The following OSBPL10 variants were observed in gnomAD, a reference collection of about 807,000 sequenced individuals.
OSBPL10 encodes the protein oxysterol-binding protein-related protein 10.
Under a neutral mutation model 81.7 loss-of-function variants are expected in OSBPL10, and 49 were observed. The ratio of observed to expected loss-of-function variants is 0.60; its 90% CI spans 0.48 to 0.76. OSBPL10 has a LOEUF of 0.76. Ranked by LOEUF, OSBPL10 falls within the 30% of genes least tolerant of loss-of-function variation. The pLI, the probability that OSBPL10 is intolerant of heterozygous loss-of-function variation, is 0.00. For synonymous variants in OSBPL10, 419 were observed against 383.6 expected, an observed-to-expected ratio of 1.09 and a Z score of -1.08; for missense variants, 923 against 987.8, an observed-to-expected ratio of 0.93 and a Z score of 0.88.
At chr3:32,040,768 T>A (rs955342399) in intron 2 of OSBPL10, among the ~76,000 whole-genome samples, 3 of 151,756 alleles carry the variant, frequency 2.0e-5, no homozygotes, top group Non-Finnish European at 4.4e-5. Context: ...GCCCAGGAGT[T>A]CAAGGCTGCA....
intron 4 of OSBPL10, among the ~76,000 whole-genome samples, chr3:31,825,770 C>T (rs1196968470): frequency 2.0e-5 from 3 of 152,134 alleles, no homozygotes; most frequent in African/African-American, 7.2e-5. Flanking sequence ...AATAGCAATA[C>T]TATGTTACTC....
Position 31,702,341 on chromosome 3 carries a change from G to A in OSBPL10, c.1245+18C>T. The A allele has an allele frequency of 2.5e-6, 4 of 1,612,606 alleles. No individual in the cohort carries two copies. Among genetic ancestry groups the A allele is most frequent in the African/African-American group, 1.3e-5 (1 of 75,010 alleles). On this transcript the variant is annotated intron_variant, in intron 7 of 11. Coordinates refer to ENST00000396556, the MANE Select transcript of OSBPL10 (RefSeq NM_017784.5). The stretch of plus-strand genomic sequence containing the variant: ...ACCCCAACAACTGACCACAAATCCA[G>A]GGGACATGCCAACCTACCTTGGTCA...
chr3:31,697,202 C>T (rs868009227), intron 7 of OSBPL10, among the ~76,000 whole-genome samples: 44 of 152,248 alleles, frequency 2.9e-4, no homozygotes, highest in African/African-American at 1.0e-3. Flanking sequence ...TTTAAGAAGT[C>T]GGGCGACCCA....
intron 4 of OSBPL10, among the ~76,000 whole-genome samples, chr3:31,787,939 G>A (rs1575544637): frequency 6.6e-6 from 1 of 152,198 alleles, no homozygotes; most frequent in South Asian, 2.1e-4. Context: ...ACTTTAAAAT[G>A]CACAAACAGA....
At chr3:31,715,863 G>C (rs1320820421) in intron 6 of OSBPL10, among the ~76,000 whole-genome samples, 1 of 152,174 alleles carries the variant, frequency 6.6e-6, no homozygotes, top group Admixed American at 6.5e-5. Flanking sequence ...TATTCAAAAA[G>C]AGACACGAGA....
chr3:31,886,869 G>A (rs965389396), intron 1 of OSBPL10, among the ~76,000 whole-genome samples: 1 of 152,062 alleles, frequency 6.6e-6, no homozygotes, highest in African/African-American at 2.4e-5. Context: ...GAACCCAGGA[G>A]GCAGGGCTGC....
At chr3:31,753,311 G>A (rs1697776428) in intron 4 of OSBPL10, among the ~76,000 whole-genome samples, 1 of 151,406 alleles carries the variant, frequency 6.6e-6, no homozygotes, top group Non-Finnish European at 1.5e-5. Flanking sequence ...TCCTGATTCA[G>A]CCTAGCTGGG....
intron 1 of OSBPL10, among the ~76,000 whole-genome samples, chr3:31,902,001 G>A (rs1463723895): frequency 6.6e-6 from 1 of 152,136 alleles, no homozygotes; most frequent in African/African-American, 2.4e-5. Flanking sequence ...CTGCACTCCA[G>A]CCTGGGCAAC....
chr3:31,990,862 A>G, intron 2 of OSBPL10: 1 of 1,579,384 alleles, frequency 6.3e-7, no homozygotes, highest in Non-Finnish European at 8.6e-7. Flanking sequence ...GAAACATCAC[A>G]AGTGTGATGA....
intron 1 of OSBPL10, among the ~76,000 whole-genome samples, chr3:31,925,283 T>A (rs1209709114): frequency 2.0e-5 from 3 of 151,946 alleles, no homozygotes; most frequent in African/African-American, 7.3e-5. Context: ...TCCACTTTCA[T>A]CATATGGCAT....
chr3:31,841,110 G>A (rs2125554722), intron 3 of OSBPL10, among the ~76,000 whole-genome samples: 1 of 152,316 alleles, frequency 6.6e-6, no homozygotes, highest in African/African-American at 2.4e-5. Flanking sequence ...GTTTCTCCAT[G>A]TTGGTCAGGC....
intron 3 of OSBPL10, among the ~76,000 whole-genome samples, chr3:31,850,408 C>T (rs903804992): frequency 4.0e-5 from 6 of 151,870 alleles, no homozygotes; most frequent in Admixed American, 3.3e-4. Flanking sequence ...AACAATAAAC[C>T]AGGAAAGAAA....
At chr3:31,984,068 C>T (rs1698900161), upstream of OSBPL10, among the ~76,000 whole-genome samples, 1 of 151,880 alleles carries the variant, frequency 6.6e-6, no homozygotes, top group Non-Finnish European at 1.5e-5. Flanking sequence ...ACTGGAGTCT[C>T]GCTCTGTCAC....
chr3:31,889,138 A>G (rs1445887436), intron 1 of OSBPL10, among the ~76,000 whole-genome samples: 4 of 152,202 alleles, frequency 2.6e-5, no homozygotes, highest in African/African-American at 9.7e-5. Flanking sequence ...ATTATCAAAA[A>G]GACAAAAAAT....
chr3:31,675,945 C>CAAAAAAAAA (rs773575072), intron 8 of OSBPL10, among the ~76,000 whole-genome samples: 13 of 59,160 alleles, frequency 2.2e-4, no homozygotes, highest in African/African-American at 6.1e-4. Context: ...GACTCCATCT[C>CAAAAAAAAA]AAAAAAAAAA....
chr3:32,001,482 C>A (rs899709408), intron 2 of OSBPL10, among the ~76,000 whole-genome samples: 1 of 152,042 alleles, frequency 6.6e-6, no homozygotes, highest in Admixed American at 6.6e-5. Context: ...TCCTGACTCT[C>A]GTGCAAATGT....
chr3:31,976,346 G>A (rs1575072978), intron 1 of OSBPL10, among the ~76,000 whole-genome samples: 2 of 152,290 alleles, frequency 1.3e-5, no homozygotes, highest in East Asian at 3.9e-4. Flanking sequence ...TTTAGCAGAA[G>A]AGAAAAACAG....
chr3:31,800,870 C>T (rs563797658), intron 4 of OSBPL10, among the ~76,000 whole-genome samples: 2 of 152,282 alleles, frequency 1.3e-5, no homozygotes, highest in East Asian at 3.9e-4. Context: ...TTGGCTTGCT[C>T]TAGGAGGTTT....
At chr3:31,718,012 A>C (rs1696508139) in intron 6 of OSBPL10, 2 of 152,212 alleles carry the variant, frequency 1.3e-5, no homozygotes, top group Admixed American at 6.5e-5. Context: ...GCACAAAAAG[A>C]AGGTGAATTT....
Sources: gnomAD v4.1 joint callset for allele counts (sites outside exome capture counted in the v4.1 genomes callset) on GRCh38, gnomAD v4.1.1 for gene constraint, MANE v1.5 for transcripts, NCBI Gene and HGNC (gene_info 2026-07-23, HGNC 2026-07-21) for gene names.